HERC1: variants seen among roughly 807,000 people sequenced by gnomAD.
HERC1 encodes the protein probable E3 ubiquitin-protein ligase HERC1.
A neutral mutation model predicts 554.3 loss-of-function variants in HERC1; 160 were observed. The observed-to-expected ratio is 0.29, with a 90% confidence interval of 0.25 to 0.33. The LOEUF (loss-of-function observed/expected upper bound fraction) is 0.33. Ranked by LOEUF, HERC1 falls within the 10% of genes least tolerant of loss-of-function variation. HERC1 has a pLI of 1.00. For synonymous variants in HERC1, 2,175 were observed against 2,131.7 expected (o/e 1.02, Z -0.56); for missense variants, 4,919 against 5,918.5 (o/e 0.83, Z 5.54).
intron 70 of HERC1, 98 bp downstream of exon 70, chr15:63,628,579 A>G: frequency 6.2e-6 from 8 of 1,281,870 alleles, no homozygotes; most frequent in Non-Finnish European, 2.1e-6. Flanking sequence ...ATGGTTTCAC[A>G]ACGATGCTGG....
At chr15:63,817,552 T>C (rs2145586568) in intron 1 of HERC1, among the ~76,000 whole-genome samples, 1 of 152,156 alleles carries the variant, frequency 6.6e-6, no homozygotes, top group South Asian at 2.1e-4. Flanking sequence ...GCATCTCTAC[T>C]AAAAATACAA....
Position 63,654,296 on chromosome 15 carries a change from T to C in HERC1, c.10113A>G (p.Ala3371=), listed in dbSNP as rs1595900542. 1 of 1,613,772 alleles carries C rather than the reference T, an allele frequency of 6.2e-7. No homozygotes were observed. Among genetic ancestry groups the C allele is most frequent in the Non-Finnish European group, 8.5e-7 (1 of 1,179,764 alleles). The change falls in exon 51 of 78, where the codon GCA becomes GCG. Residue 3371 remains alanine (A), a synonymous_variant. Transcript: ENST00000443617. ...KGPLELANAL[A]ACCLSSRLSS... is the part of the protein sequence containing the mutation. ...ACAGCCTGGAGGAGAGGCAGCAGGC[T>C]GCCAGGGCATTAGCCAACTCCAGAG...
chr15:63,824,418 C>T (rs907096839), intron 1 of HERC1, among the ~76,000 whole-genome samples: 1 of 151,304 alleles, frequency 6.6e-6, no homozygotes, highest in East Asian at 1.9e-4. Context: ...CCTGTAGTCC[C>T]AGCTACTTAG....
At chr15:63,774,552 C>T in intron 2 of HERC1, 142 bp downstream of exon 2, 1 of 675,470 alleles carries the variant, frequency 1.5e-6, no homozygotes, top group Non-Finnish European at 2.5e-6. Context: ...AGTTTCTTCA[C>T]TCCAAGTATA....
intron 12 of HERC1, among the ~76,000 whole-genome samples, chr15:63,736,684 C>T (rs1336483916): frequency 6.6e-5 from 10 of 151,910 alleles, no homozygotes; most frequent in African/African-American, 2.2e-4. Context: ...TCTCGGCTCA[C>T]GGCAACCTCC....
chr15:63,684,222 C>G (rs1342675348), intron 34 of HERC1, among the ~76,000 whole-genome samples: 1 of 152,192 alleles, frequency 6.6e-6, no homozygotes, highest in Non-Finnish European at 1.5e-5. Context: ...CAGTTTGCAA[C>G]AAGGGACTGA....
At chr15:63,829,493 T>C (rs1253968886) in intron 1 of HERC1, among the ~76,000 whole-genome samples, 7 of 62,652 alleles carry the variant, frequency 1.1e-4, no homozygotes, top group African/African-American at 2.7e-4. Context: ...TATATATATA[T>C]ATATATACAC....
At chr15:63,787,960 C>CAAAAAAAAAA (rs375499946) in intron 1 of HERC1, among the ~76,000 whole-genome samples, 1 of 45,642 alleles carries the variant, frequency 2.2e-5, no homozygotes, top group Non-Finnish European at 4.5e-5. Context: ...GACCCTGTCT[C>CAAAAAAAAAA]AAAAAAAAAA....
At chr15:63,731,975 G>A (rs1483911343) in intron 14 of HERC1, among the ~76,000 whole-genome samples, 6 of 152,150 alleles carry the variant, frequency 3.9e-5, no homozygotes, top group South Asian at 4.1e-4. Context: ...TGTGTGAGCC[G>A]ATGATAAAGG....
chr15:63,623,602 T>C, intron 73 of HERC1, 123 bp downstream of exon 73: 3 of 930,526 alleles, frequency 3.2e-6, no homozygotes, highest in Non-Finnish European at 5.0e-6. Context: ...TCACTTTATA[T>C]GAGGCTCACA....
chr15:63,809,380 G>C (rs1191313005), intron 1 of HERC1, among the ~76,000 whole-genome samples: 1 of 152,198 alleles, frequency 6.6e-6, no homozygotes, highest in Non-Finnish European at 1.5e-5. Flanking sequence ...GAATGTGCAA[G>C]ATTTATCCAT....
intron 73 of HERC1, 78 bp downstream of exon 73, chr15:63,623,647 G>A: frequency 7.5e-7 from 1 of 1,335,364 alleles, no homozygotes; most frequent in Non-Finnish European, 1.1e-6. Context: ...AAACATGCCT[G>A]GCAGAGTGAT....
At position 63,640,242 on chromosome 15, in the gene HERC1, G is replaced by C. The variant is rs764050584; in HGVS notation, c.11811C>G (p.Ala3937=). The C allele has an allele frequency of 6.2e-7, 1 of 1,613,872 alleles. No individual in the cohort carries two copies. Among genetic ancestry groups the C allele is most frequent in the Non-Finnish European group, 8.5e-7 (1 of 1,179,804 alleles). Reference sequence around the variant, plus strand: ...ACTGGGCTCCATTGGTCAGGGCTTCGGCAGCTTTTATAGTGGTTGAGAAAC... The same window carrying C: ...ACTGGGCTCCATTGGTCAGGGCTTCCGCAGCTTTTATAGTGGTTGAGAAAC... ...LECFSTTIKA[A]EALTNGAQFP... is the part of the protein sequence containing the mutation. The change falls in exon 61 of 78, where the codon GCC becomes GCG. Residue 3937 remains alanine, a synonymous_variant. Transcript: ENST00000443617.
rs751413391 is a variant in HERC1, at chr15:63,784,363, T to C, written c.-26-8714A>G. The stretch of plus-strand genomic sequence containing the variant: ...AACTAAAATGGAGCAATCTCCAAGA[T>C]ACACTGTTAAAAAAGAAAAATATGT... On this transcript the variant is annotated intron_variant, in intron 1 of 77. Coordinates refer to ENST00000443617, the MANE Select transcript of HERC1 (RefSeq NM_003922.4). Among the ~76,000 whole-genome samples the C allele has an allele frequency of 7.9e-5, 12 of 152,254 alleles. 1 individual carries two copies. Among genetic ancestry groups the C allele is most frequent in the Non-Finnish European group, 1.2e-4 (8 of 68,018 alleles).
intron 1 of HERC1, among the ~76,000 whole-genome samples, chr15:63,778,677 G>T (rs2076185213): frequency 1.3e-5 from 2 of 152,090 alleles, no homozygotes; most frequent in South Asian, 2.1e-4. Context: ...TGACTGAAGA[G>T]AATGCAATTA....
chr15:63,722,937 C>A (rs912477450), intron 19 of HERC1, among the ~76,000 whole-genome samples: 3 of 151,972 alleles, frequency 2.0e-5, no homozygotes, highest in Admixed American at 6.6e-5. Flanking sequence ...AAATGATTAC[C>A]TATAAATGTA....
At chr15:63,746,112 G>A (rs1235493843) in intron 12 of HERC1, among the ~76,000 whole-genome samples, 1 of 151,808 alleles carries the variant, frequency 6.6e-6, no homozygotes, top group Non-Finnish European at 1.5e-5. Flanking sequence ...TCTTAAGGTA[G>A]AAGGTTAAAT....
At chr15:63,629,776 T>A (rs1291665670) in intron 69 of HERC1, among the ~76,000 whole-genome samples, 1 of 152,106 alleles carries the variant, frequency 6.6e-6, no homozygotes, top group Non-Finnish European at 1.5e-5. Flanking sequence ...AACTTAAGGG[T>A]CCCTGGCACT....
rs903571991 is a variant in HERC1 at position 63,690,455 on chromosome 15, C to A, written c.5937+86G>T. The A allele has an allele frequency of 3.4e-5, 27 of 802,426 alleles. No homozygotes were observed. In the Admixed American group the frequency reaches 5.4e-4, roughly 16 times the overall value. 49.7% of individuals were successfully genotyped at this position (802,426 alleles called of 1,614,324 possible). A position where few individuals can be genotyped will look rare whatever the true frequency, so the allele number is the denominator to read the frequency against. On this transcript the variant is annotated intron_variant, in intron 32 of 77. Transcript: ENST00000443617. ...TGCTATTGAATAAAAGACACATTTACAACTGAAGAGACTGTTAAGTACAGA... is the reference window on the plus strand; with the variant it reads ...TGCTATTGAATAAAAGACACATTTAAAACTGAAGAGACTGTTAAGTACAGA...
Sources: allele counts gnomAD v4.1 joint callset (sites outside exome capture counted in the v4.1 genomes callset), GRCh38; gene constraint gnomAD v4.1.1; transcripts MANE v1.5; gene names NCBI Gene and HGNC (gene_info 2026-07-23, HGNC 2026-07-21).